The following CNNM1 variants were observed in gnomAD, a reference collection of about 807,000 sequenced individuals.
CNNM1 encodes the protein metal transporter CNNM1.
A neutral mutation model predicts 78.8 loss-of-function variants in CNNM1; 44 were observed. The ratio of observed to expected loss-of-function variants is 0.56; its 90% confidence interval spans 0.44 to 0.72. The LOEUF (loss-of-function observed/expected upper bound fraction) is 0.72. CNNM1 is among the 30% of genes least tolerant of loss of function. The pLI, the probability that CNNM1 is intolerant of heterozygous loss-of-function variation, is 0.00. For synonymous variants in CNNM1, 584 were observed against 581.5 expected (o/e 1.00, Z -0.06); for missense variants, 1,101 against 1,292.2 (o/e 0.85, Z 2.27).
intron 9 of CNNM1, among the ~76,000 whole-genome samples, chr10:99,389,433 AAAAAAAT>A (rs1383123695): frequency 5.9e-5 from 9 of 151,886 alleles, no homozygotes; most frequent in Admixed American, 5.9e-4. Flanking sequence ...AAAAAAAAAA[AAAAAAAT>A]TTAAAGTCAA....
intron 1 of CNNM1, among the ~76,000 whole-genome samples, chr10:99,332,932 C>T (rs549792026): frequency 6.6e-6 from 1 of 152,300 alleles, no homozygotes; most frequent in Admixed American, 6.5e-5. Flanking sequence ...TTTTGTATAT[C>T]TTACAGAAGT....
chr10:99,349,851 T>A (rs970627446), intron 1 of CNNM1, among the ~76,000 whole-genome samples: 5 of 152,058 alleles, frequency 3.3e-5, no homozygotes, highest in African/African-American at 1.2e-4. Context: ...ATACAAAAAT[T>A]AGCTGGGCGT....
chr10:99,373,572 C>CT (rs35845208), intron 6 of CNNM1, among the ~76,000 whole-genome samples: 5 of 152,172 alleles, frequency 3.3e-5, no homozygotes, highest in Non-Finnish European at 5.9e-5. Flanking sequence ...CTCTTTTCTT[C>CT]TTTTTTTAAT....
chr10:99,385,862 A>C (rs1291700694), intron 7 of CNNM1, among the ~76,000 whole-genome samples: 1 of 152,222 alleles, frequency 6.6e-6, no homozygotes, highest in African/African-American at 2.4e-5. Flanking sequence ...CTTTGACTAA[A>C]CTAGAAGCCA....
chr10:99,341,492 A>G (rs1589887451), intron 1 of CNNM1, among the ~76,000 whole-genome samples: 1 of 152,204 alleles, frequency 6.6e-6, no homozygotes, highest in African/African-American at 2.4e-5. Context: ...AGCCTGGGGT[A>G]CAGGCAAGGG....
At chr10:99,346,852 C>G (rs1465892256) in intron 1 of CNNM1, among the ~76,000 whole-genome samples, 1 of 152,146 alleles carries the variant, frequency 6.6e-6, no homozygotes, top group African/African-American at 2.4e-5. Flanking sequence ...TCAAGCAATC[C>G]TCCTGCCTCA....
chr10:99,378,959 T>C (rs7087823), intron 7 of CNNM1, among the ~76,000 whole-genome samples: 8 of 152,346 alleles, frequency 5.3e-5, no homozygotes, highest in African/African-American at 1.7e-4. Flanking sequence ...TTAAGTCTAA[T>C]GTGACAAGGA....
intron 1 of CNNM1, among the ~76,000 whole-genome samples, chr10:99,336,242 A>G (rs190745176): frequency 8.5e-5 from 13 of 152,370 alleles, no homozygotes; most frequent in Non-Finnish European, 1.8e-4. Context: ...CTAAGGCAAC[A>G]CATTACCTTT....
intron 1 of CNNM1, among the ~76,000 whole-genome samples, chr10:99,340,278 G>GA (rs1453589665): frequency 6.6e-6 from 1 of 152,122 alleles, no homozygotes; most frequent in African/African-American, 2.4e-5. Flanking sequence ...AAGGGGCACT[G>GA]AAAAAACCTG....
intron 6 of CNNM1, among the ~76,000 whole-genome samples, chr10:99,373,484 G>A (rs1227161018): frequency 6.6e-6 from 1 of 152,202 alleles, no homozygotes; most frequent in African/African-American, 2.4e-5. Context: ...CTGGAGGAAA[G>A]AACACAGACT....
intron 1 of CNNM1, 139 bp downstream of exon 1, chr10:99,331,099 G>A: frequency 3.8e-6 from 3 of 798,890 alleles, no homozygotes; most frequent in Non-Finnish European, 5.8e-6. Context: ...CTACCTCTTG[G>A]CTCCCTGGCT....
At chr10:99,353,198 T>C (rs1325806062) in intron 1 of CNNM1, among the ~76,000 whole-genome samples, 1 of 152,196 alleles carries the variant, frequency 6.6e-6, no homozygotes, top group Non-Finnish European at 1.5e-5. Context: ...TGTAAGATTT[T>C]GATTTGTATT....
At chr10:99,356,442 C>T (rs570069841) in intron 1 of CNNM1, among the ~76,000 whole-genome samples, 3 of 151,062 alleles carry the variant, frequency 2.0e-5, no homozygotes, top group African/African-American at 7.3e-5. Context: ...CACCATTGCA[C>T]TCCAGCCTGG....
In CNNM1 at chr10:99,330,653, G is replaced by T. The variant is rs1448708415; in HGVS notation, c.1266G>T (p.Leu422=). 6.2e-7 allele frequency: 1 copy of T among 1,613,878 alleles called. No individual in the cohort carries two copies. The highest frequency in any genetic ancestry group is 8.5e-7 in the Non-Finnish European group (1 of 1,179,894). The change falls in exon 1 of 11, where the codon CTG becomes CTT. Residue 422 remains leucine (L), a synonymous_variant. Transcript: ENST00000356713. Reference sequence around the variant, plus strand: ...AGCTCAACATCATACAGGGTGCCCTGGAGCTGCGCACCAAAGTTGTGGAGG... The same window carrying T: ...AGCTCAACATCATACAGGGTGCCCTTGAGCTGCGCACCAAAGTTGTGGAGG... ...KEELNIIQGA[L]ELRTKVVEEV... is the part of the protein sequence containing the mutation.
chr10:99,386,998 G>C (rs573647537), intron 7 of CNNM1, among the ~76,000 whole-genome samples: 1 of 152,300 alleles, frequency 6.6e-6, no homozygotes, highest in Non-Finnish European at 1.5e-5. Flanking sequence ...CCGCTGATGA[G>C]TGGTTTCACA....
rs1430143091 is a variant in CNNM1 at position 99,376,465 on chromosome 10, G to A, written c.2177-590G>A. On this transcript the variant is annotated intron_variant, in intron 6 of 10. Coordinates refer to ENST00000356713, the MANE Select transcript of CNNM1 (RefSeq NM_020348.3). ...TGTCTCAGGCCCTGCCAATGTGGGG[G>A]CAGGCCTGAATGCTTCCCACTAAAA... Among the ~76,000 whole-genome samples, 5 of 152,328 alleles carry A rather than the reference G, an allele frequency of 3.3e-5. No individual in the cohort carries two copies. The South Asian group carries it at 8.3e-4, about 25-fold the overall frequency.
chr10:99,342,183 T>C (rs2030486390), intron 1 of CNNM1, among the ~76,000 whole-genome samples: 1 of 152,236 alleles, frequency 6.6e-6, no homozygotes. Flanking sequence ...TACTTGTTGG[T>C]TAAATGATTA....
At chr10:99,335,084 G>A (rs1437007177) in intron 1 of CNNM1, among the ~76,000 whole-genome samples, 1 of 152,182 alleles carries the variant, frequency 6.6e-6, no homozygotes, top group Non-Finnish European at 1.5e-5. Flanking sequence ...AGGGTTCAAA[G>A]GTAGCCTTTT....
chr10:99,330,503 G>C lies in CNNM1; in HGVS notation c.1116G>C (p.Val372=). The change falls in exon 1 of 11, where the codon GTG becomes GTC. Residue 372 remains valine (V), a synonymous_variant. Coordinates refer to ENST00000356713, the MANE Select transcript of CNNM1 (RefSeq NM_020348.3). The part of the protein sequence containing the change: ...TRLLMAAAFP[V]CYPLGRLLDW... ...TTCTGATGGCAGCCGCCTTCCCCGTGTGCTACCCGCTGGGCCGCCTGCTGG... is the reference window on the plus strand; with the variant it reads ...TTCTGATGGCAGCCGCCTTCCCCGTCTGCTACCCGCTGGGCCGCCTGCTGG... 6.3e-7 allele frequency: 1 copy of C among 1,584,720 alleles called. No individual in the cohort carries two copies. The highest frequency in any genetic ancestry group is 1.3e-5 in the African/African-American group (1 of 74,412).
Sources: gnomAD v4.1 joint callset for allele counts (sites outside exome capture counted in the v4.1 genomes callset) on GRCh38, gnomAD v4.1.1 for gene constraint, MANE v1.5 for transcripts, NCBI Gene and HGNC (gene_info 2026-07-23, HGNC 2026-07-21) for gene names.